The following MTF1 variants were observed in gnomAD, a reference collection of about 807,000 sequenced individuals.
MTF1 encodes the protein MRE-binding transcription factor.
A neutral mutation model predicts 70.4 loss-of-function variants in MTF1; 22 were observed. The ratio of observed to expected loss-of-function variants is 0.31; its 90% CI spans 0.22 to 0.45. The LOEUF (loss-of-function observed/expected upper bound fraction) is 0.45, where lower values mean the gene tolerates loss of function less well. Among genes scored for constraint, MTF1 ranks in the 20% least tolerant of loss-of-function variants. The probability of loss-of-function intolerance (pLI) is 1.00; values close to 1 mark genes in which losing one functional copy is unlikely to be tolerated. For synonymous variants in MTF1, 333 were observed against 352.8 expected, an observed-to-expected ratio of 0.94 and a Z score of 0.63; for missense variants, 649 against 922.0, an observed-to-expected ratio of 0.70 and a Z score of 3.83.
intron 1 of MTF1, among the ~76,000 whole-genome samples, chr1:37,859,092 T>C (rs1333375189): frequency 6.6e-6 from 1 of 152,188 alleles, no homozygotes; most frequent in Non-Finnish European, 1.5e-5. Context: ...TACATTTCGC[T>C]GCATCTGAGC....
intron 4 of MTF1, 69 bp from the exon 5 acceptor site, chr1:37,835,813 T>G: frequency 7.3e-7 from 1 of 1,368,464 alleles, no homozygotes; most frequent in Non-Finnish European, 1.0e-6. Context: ...CGTCTTTTTT[T>G]TTTTTGAGAT....
chr1:37,842,580 T>A (rs1641271508), intron 2 of MTF1, among the ~76,000 whole-genome samples: 1 of 152,254 alleles, frequency 6.6e-6, no homozygotes, highest in South Asian at 2.1e-4. Context: ...GATACTTCTT[T>A]CCCTTAACCT....
chr1:37,841,426 A>T (rs1471386419), intron 2 of MTF1: 13 of 151,910 alleles, frequency 8.6e-5, no homozygotes, highest in Non-Finnish European at 1.9e-4. Flanking sequence ...ATCTTGGCCC[A>T]TGCCCAGGAA....
Position 37,810,937 on chromosome 1 carries a change from C to T in MTF1, c.*4199G>A, listed in dbSNP as rs533884174. The T allele has an allele frequency of 6.6e-6, 1 of 152,488 alleles. No individual in the cohort carries two copies. The highest frequency in any genetic ancestry group is 1.5e-5 in the Non-Finnish European group (1 of 68,042). The allele number at this position is 152,488 out of a possible 1,614,324, so 9.4% of individuals were successfully genotyped here. On this transcript the variant is annotated 3_prime_UTR_variant, in exon 11 of 11. Transcript: ENST00000373036. ...CTCATGTTGCCCCCTGCCACCCATG[C>T]CTCCCCAAACATATTTCTGATTGGT...
At position 37,857,465 on chromosome 1, in the gene MTF1, CCGT is replaced by C. The variant is rs1468919501; in HGVS notation, c.191_193del (p.Asp64del). On this transcript the variant is annotated inframe_deletion, in exon 2 of 11. Coordinates refer to ENST00000373036, the MANE Select transcript of MTF1 (RefSeq NM_005955.3). The stretch of plus-strand genomic sequence containing the variant: ...AAAAGGCAAGTGTTCTCCGCACTGT[CCGT>C]CGTCATCTTCATCCTCCAAAGTGCC... The C allele has an allele frequency of 8.7e-6, 14 of 1,614,072 alleles. No individual in the cohort carries two copies. Among genetic ancestry groups the C allele is most frequent in the Admixed American group, 3.3e-5 (2 of 59,996 alleles).
intron 8 of MTF1, among the ~76,000 whole-genome samples, chr1:37,823,441 CAAA>C (rs35582059): frequency 6.8e-6 from 1 of 147,138 alleles, no homozygotes. Context: ...GACGCTGTCT[CAAA>C]AAAAAAAAAA....
intron 7 of MTF1, among the ~76,000 whole-genome samples, chr1:37,825,260 G>T (rs116791499): frequency 0.025 from 3,791 of 152,130 alleles, 80 homozygotes; most frequent in Non-Finnish European, 0.038. Context: ...TTGAGACAGG[G>T]TTTCTTTACT....
In MTF1 at chr1:37,814,151, C is replaced by A. The variant is rs1247902866; in HGVS notation, c.*985G>T. On this transcript the variant is annotated 3_prime_UTR_variant, in exon 11 of 11. Transcript: ENST00000373036. ...ACCTGGAACCAGGACACCTGGCCTG[C>A]CAATTACATGCCACCTCATATGAAT... 1 of 152,632 alleles carries A rather than the reference C, an allele frequency of 6.6e-6. No individual in the cohort carries two copies. The highest frequency in any genetic ancestry group is 2.4e-5 in the African/African-American group (1 of 41,414). The allele number at this position is 152,632 out of a possible 1,614,324, so 9.5% of individuals were successfully genotyped here.
At chr1:37,859,402 C>A (rs1362619694) in intron 1 of MTF1, 129 bp downstream of exon 1, 4 of 397,598 alleles carry the variant, frequency 1.0e-5, no homozygotes, top group Non-Finnish European at 1.3e-5. Flanking sequence ...CCCATGGAAA[C>A]GGAGAAGGGG....
chr1:37,843,296 T>G (rs1444928997), intron 2 of MTF1, among the ~76,000 whole-genome samples: 2 of 151,912 alleles, frequency 1.3e-5, no homozygotes, highest in Admixed American at 6.6e-5. Context: ...CCACCACGCC[T>G]GGCCTGGTTT....
intron 8 of MTF1, 77 bp from the exon 9 acceptor site, chr1:37,822,793 T>C (rs1188636679): frequency 2.0e-6 from 2 of 1,002,584 alleles, no homozygotes; most frequent in African/African-American, 3.2e-5. Context: ...CATTATGGGC[T>C]AAACAAAACA....
chr1:37,857,614 T>C lies in MTF1; in HGVS notation c.45A>G (p.Ala15=). The change falls in exon 2 of 11, where the codon GCA becomes GCG. Residue 15 remains alanine (A), a synonymous_variant. Coordinates refer to ENST00000373036, the MANE Select transcript of MTF1 (RefSeq NM_005955.3). ...SPDNNIIYFE[A]EEDELTPDDK... is the part of the protein sequence containing the mutation. ...CATCGGGGGTCAGCTCATCTTCCTC[T>C]GCCTCAAAGTAGATGATGTTGTTGT... 6.2e-7 allele frequency: 1 copy of C among 1,614,116 alleles called. No homozygotes were observed. The highest frequency in any genetic ancestry group is 8.5e-7 in the Non-Finnish European group (1 of 1,180,036).
intron 1 of MTF1, among the ~76,000 whole-genome samples, chr1:37,859,306 A>C (rs1641561771): frequency 6.6e-6 from 1 of 152,176 alleles, no homozygotes; most frequent in African/African-American, 2.4e-5. Flanking sequence ...AAAAATCCGA[A>C]GACAAGCTGG....
At chr1:37,835,627 T>C in intron 5 of MTF1, 44 bp downstream of exon 5, 1 of 1,442,658 alleles carries the variant, frequency 6.9e-7, no homozygotes, top group Non-Finnish European at 9.8e-7. Context: ...AATGGAAAAT[T>C]GATAGTTACA....
rs1324840986 is a variant in MTF1 at position 37,857,549 on chromosome 1, G to A, written c.110C>T (p.Pro37Leu). The A allele has an allele frequency of 6.2e-7, 1 of 1,614,062 alleles. No homozygotes were observed. The highest frequency in any genetic ancestry group is 1.3e-5 in the African/African-American group (1 of 74,916). Residue 37 changes from proline to leucine, a missense_variant, in exon 2 of 11, where the codon CCT becomes CTT. Transcript: ENST00000373036. ...LRFVDKNGLV[P>L]SSSGTVYDRT... is the part of the protein sequence containing the mutation. ...ATCATAAACAGTTCCAGATGAGGAA[G>A]GCACCAGTCCGTTTTTATCCACAAA...
At chr1:37,826,637 T>C (rs535582581) in intron 7 of MTF1, 59 of 432,490 alleles carry the variant, frequency 1.4e-4, no homozygotes, top group East Asian at 6.3e-4. Context: ...TTTTTTTTTT[T>C]CTTCATTTCA....
At chr1:37,827,641 C>A (rs942029526) in intron 7 of MTF1, among the ~76,000 whole-genome samples, 9 of 151,792 alleles carry the variant, frequency 5.9e-5, no homozygotes, top group African/African-American at 2.2e-4. Context: ...GGATTACAGG[C>A]GTGATCCACC....
At chr1:37,818,862 G>A (rs1411890927) in intron 9 of MTF1, among the ~76,000 whole-genome samples, 3 of 149,296 alleles carry the variant, frequency 2.0e-5, no homozygotes, top group Admixed American at 6.7e-5. Context: ...GTGTGGTGGC[G>A]GGTGCCTGTA....
At chr1:37,841,929 T>C (rs748534462) in intron 2 of MTF1, among the ~76,000 whole-genome samples, 6 of 151,918 alleles carry the variant, frequency 3.9e-5, no homozygotes, top group Non-Finnish European at 7.4e-5. Context: ...TTCCAGCTAT[T>C]TGGGAAGCTG....
Sources: allele counts gnomAD v4.1 joint callset (sites outside exome capture counted in the v4.1 genomes callset), GRCh38; gene constraint gnomAD v4.1.1; transcripts MANE v1.5; gene names NCBI Gene and HGNC (gene_info 2026-07-23, HGNC 2026-07-21).